Variants in WNT5A observed in about 807,000 individuals in gnomAD.
WNT5A encodes protein Wnt-5a.
WNT5A carries 9 observed loss-of-function variants against 42.1 expected under a neutral mutation model. The ratio of observed to expected loss-of-function variants is 0.21; its 90% CI spans 0.13 to 0.37. The LOEUF is 0.37. Ranked by LOEUF, WNT5A falls within the 10% of genes least tolerant of loss-of-function variation. WNT5A has a pLI of 1.00. For synonymous variants in WNT5A, 210 were observed against 210.0 expected, an observed-to-expected ratio of 1.00 and a Z score of 0.00; for missense variants, 426 against 534.0, an observed-to-expected ratio of 0.80 and a Z score of 1.99.
chr3:55,465,927 C>A lies in WNT5A; in HGVS notation c.*4165G>T, dbSNP rs540745759. The A allele has an allele frequency of 8.4e-4, 127 of 152,078 alleles. No homozygotes were observed. The highest frequency in any genetic ancestry group is 3.0e-3 in the African/African-American group (124 of 41,492). 9.4% of individuals were successfully genotyped at this position (152,078 alleles called of 1,614,324 possible). A position where few individuals can be genotyped will look rare whatever the true frequency, so the allele number is the denominator to read the frequency against. ...ACTGATACATTAAAAAAAAATCATA[C>A]CAACCTTTAATCATTCTACATCCAT... On this transcript the variant is annotated 3_prime_UTR_variant, in exon 5 of 5. Transcript: ENST00000264634.
At chr3:55,501,196 A>G in the WNT5A span, among the ~76,000 whole-genome samples, 10 of 152,212 alleles carry the variant, frequency 6.6e-5, no homozygotes, top group Non-Finnish European at 1.3e-4. Context: ...GGCTACCACT[A>G]TGTGCTAATA....
At chr3:55,477,138 G>T (rs112200945) in intron 3 of WNT5A, among the ~76,000 whole-genome samples, 1,776 of 152,082 alleles carry the variant, frequency 0.012, 13 homozygotes, top group Non-Finnish European at 0.019. Context: ...AGGGCTTTGG[G>T]GTGGGCACAC....
chr3:55,484,296 G>A (rs1559558950), intron 1 of WNT5A, among the ~76,000 whole-genome samples: 2 of 152,280 alleles, frequency 1.3e-5, no homozygotes, highest in East Asian at 1.9e-4. Flanking sequence ...AACTTGGGAC[G>A]TCCTGCCCTG....
chr3:55,473,355 T>G (rs139196042), intron 4 of WNT5A, among the ~76,000 whole-genome samples: 2 of 152,164 alleles, frequency 1.3e-5, no homozygotes, highest in Non-Finnish European at 2.9e-5. Context: ...GCACCTACCT[T>G]GGGTTCTGTG....
At chr3:55,492,596 A>G (rs2051672127), upstream of WNT5A, among the ~76,000 whole-genome samples, 1 of 152,186 alleles carries the variant, frequency 6.6e-6, no homozygotes, top group South Asian at 2.1e-4. Context: ...GGCTGGGAAG[A>G]GGAGAGGAAT....
At chr3:55,472,548 C>T (rs879607252) in intron 4 of WNT5A, among the ~76,000 whole-genome samples, 1 of 152,108 alleles carries the variant, frequency 6.6e-6, no homozygotes, top group African/African-American at 2.4e-5. Flanking sequence ...CCACCCCCCC[C>T]AAATTTTCAT....
intron 1 of WNT5A, among the ~76,000 whole-genome samples, chr3:55,486,398 G>A (rs974740171): frequency 2.0e-5 from 3 of 152,226 alleles, no homozygotes; most frequent in African/African-American, 7.2e-5. Context: ...AGGCAAAGGG[G>A]CCTGAAGCGC....
intron 1 of WNT5A, among the ~76,000 whole-genome samples, chr3:55,484,717 CA>C (rs369881094): frequency 1.4e-5 from 2 of 138,636 alleles, no homozygotes; most frequent in South Asian, 2.6e-4. Context: ...CACACACACA[CA>C]CACACACACA....
At chr3:55,473,548 G>A (rs1448861190) in intron 4 of WNT5A, among the ~76,000 whole-genome samples, 4 of 152,186 alleles carry the variant, frequency 2.6e-5, no homozygotes, top group Non-Finnish European at 5.9e-5. Flanking sequence ...CAGGAGACTC[G>A]TGAGGACTGC....
Position 55,470,457 on chromosome 3 carries a change from G to A in WNT5A, c.778C>T (p.Arg260Cys), listed in dbSNP as rs201567461. The part of the protein sequence containing the change: ...KTCWLQLADF[R>C]KVGDALKEKY... ...TCCTTCAGGGCATCACCCACCTTGCGGAAGTCTGCCAGCTGCAGCCAGCAT... is the reference window on the plus strand; with the variant it reads ...TCCTTCAGGGCATCACCCACCTTGCAGAAGTCTGCCAGCTGCAGCCAGCAT... Residue 260 changes from arginine (R) to cysteine (C), a missense_variant, in exon 5 of 5, where the codon CGC becomes TGC. Physicochemically the swap from Arg to Cys is radical, Grantham distance 180 (BLOSUM62 -3). Coordinates refer to ENST00000264634, the MANE Select transcript of WNT5A (RefSeq NM_003392.7). 3 of 1,610,216 alleles carry A rather than the reference G, an allele frequency of 1.9e-6. No individual in the cohort carries two copies. Among genetic ancestry groups the A allele is most frequent in the South Asian group, 1.1e-5 (1 of 90,324 alleles).
At chr3:55,485,345 T>C (rs901128231) in intron 1 of WNT5A, among the ~76,000 whole-genome samples, 2 of 151,438 alleles carry the variant, frequency 1.3e-5, no homozygotes, top group Non-Finnish European at 2.9e-5. Context: ...GCTAACCCCT[T>C]GAGCACCGGA....
chr3:55,482,333 G>A (rs1416188082), intron 1 of WNT5A, among the ~76,000 whole-genome samples: 1 of 152,356 alleles, frequency 6.6e-6, no homozygotes, highest in African/African-American at 2.4e-5. Context: ...AGTAGGTGGC[G>A]GGTGCGGGTG....
intron 1 of WNT5A, among the ~76,000 whole-genome samples, chr3:55,486,241 G>T (rs1254680434): frequency 6.6e-6 from 1 of 152,148 alleles, no homozygotes; most frequent in South Asian, 2.1e-4. Context: ...CCCGGAGTAC[G>T]GGATTACAGC....
intron 1 of WNT5A, among the ~76,000 whole-genome samples, chr3:55,485,511 A>C (rs1487786193): frequency 6.6e-6 from 1 of 151,770 alleles, no homozygotes; most frequent in African/African-American, 2.4e-5. Flanking sequence ...ACACGCACAC[A>C]CACGCAGCCA....
chr3:55,478,006 G>A (rs2051388613), intron 3 of WNT5A, among the ~76,000 whole-genome samples: 2 of 152,132 alleles, frequency 1.3e-5, no homozygotes, highest in South Asian at 2.1e-4. Context: ...TCAACACACG[G>A]GAGAATAAAT....
At chr3:55,490,949 T>C (rs1018789254), upstream of WNT5A, among the ~76,000 whole-genome samples, 1 of 152,232 alleles carries the variant, frequency 6.6e-6, no homozygotes. Context: ...TTTTATCTGA[T>C]AATATTAATA....
chr3:55,479,940 T>G (rs2051427094), intron 2 of WNT5A, among the ~76,000 whole-genome samples: 1 of 152,148 alleles, frequency 6.6e-6, no homozygotes. Context: ...TGGACCAATC[T>G]GCCTTGAAAA....
At chr3:55,481,459 GGC>G in intron 1 of WNT5A, 1 of 909,166 alleles carries the variant, frequency 1.1e-6, no homozygotes, top group Non-Finnish European at 1.3e-6. Context: ...GGAGGATGGG[GGC>G]AGGACGCGGG....
chr3:55,472,357 T>C (rs929931797), intron 4 of WNT5A, among the ~76,000 whole-genome samples: 1 of 152,216 alleles, frequency 6.6e-6, no homozygotes, highest in East Asian at 1.9e-4. Context: ...CAAAGATGGA[T>C]GAGAATATCA....
Sources: gnomAD v4.1 joint callset for allele counts (sites outside exome capture counted in the v4.1 genomes callset) on GRCh38, gnomAD v4.1.1 for gene constraint, MANE v1.5 for transcripts, NCBI Gene and HGNC (gene_info 2026-07-23, HGNC 2026-07-21) for gene names.